Variants in CHAF1A observed in about 807,000 individuals in gnomAD.
CHAF1A encodes CAF-1 subunit A.
Under a neutral mutation model 93.2 loss-of-function variants are expected in CHAF1A, and 5 were observed. The ratio of observed to expected loss-of-function variants is 0.05; its 90% CI spans 0.03 to 0.11. CHAF1A has a LOEUF of 0.11. Among genes scored for constraint, CHAF1A ranks in the 10% least tolerant of loss-of-function variants. The probability of loss-of-function intolerance (pLI) is 1.00; values close to 1 mark genes in which losing one functional copy is unlikely to be tolerated. For synonymous variants in CHAF1A, 504 were observed against 510.3 expected (o/e 0.99, Z 0.17); for missense variants, 1,102 against 1,259.9 (o/e 0.87, Z 1.90).
chr19:4,419,888 A>G (rs1296043375), intron 4 of CHAF1A, among the ~76,000 whole-genome samples: 1 of 152,130 alleles, frequency 6.6e-6, no homozygotes, highest in African/African-American at 2.4e-5. Context: ...GAAGCCTTCT[A>G]TTTCCTGCTT....
At chr19:4,415,509 C>T (rs243357) in intron 3 of CHAF1A, among the ~76,000 whole-genome samples, 44,414 of 152,112 alleles carry the variant, frequency 0.29, 7,125 homozygotes, top group East Asian at 0.6. Flanking sequence ...AGGGCAGCCC[C>T]GGAGAGCTGC....
At chr19:4,410,557 T>G (rs187236229) in intron 3 of CHAF1A, among the ~76,000 whole-genome samples, 5 of 152,136 alleles carry the variant, frequency 3.3e-5, no homozygotes, top group Admixed American at 1.3e-4. Flanking sequence ...ATTTTTATAT[T>G]TTTAGTAGAG....
intron 8 of CHAF1A, chr19:4,429,099 T>G (rs1453894982): frequency 3.4e-6 from 2 of 596,336 alleles, no homozygotes; most frequent in East Asian, 2.8e-5. Context: ...TCTTCCCAGC[T>G]CCTCGTGGAG....
At chr19:4,406,411 C>T (rs1266967558) in intron 2 of CHAF1A, among the ~76,000 whole-genome samples, 1 of 151,864 alleles carries the variant, frequency 6.6e-6, no homozygotes, top group Non-Finnish European at 1.5e-5. Flanking sequence ...CACCCTTGGG[C>T]CAGATGAGCG....
intron 4 of CHAF1A, among the ~76,000 whole-genome samples, chr19:4,421,804 T>C (rs1973995121): frequency 6.6e-6 from 1 of 152,072 alleles, no homozygotes; most frequent in African/African-American, 2.4e-5. Context: ...CTGTGTAAAG[T>C]TGTTGACTGG....
chr19:4,440,710 GGCCGTGTGGTACATA>G (rs1199577880), intron 13 of CHAF1A, among the ~76,000 whole-genome samples: 1 of 151,868 alleles, frequency 6.6e-6, no homozygotes, highest in Non-Finnish European at 1.5e-5. Context: ...CACACGCCTG[GGCCGTGTGGTACATA>G]GCCCAGGGCT....
chr19:4,446,269 T>C, downstream of CHAF1A: 1 of 1,569,754 alleles, frequency 6.4e-7, no homozygotes, highest in African/African-American at 1.3e-5. Flanking sequence ...TCCACGGGCA[T>C]CGTTGGTGCC....
chr19:4,406,025 G>T, intron 2 of CHAF1A, 63 bp downstream of exon 2: 2 of 1,334,520 alleles, frequency 1.5e-6, no homozygotes, highest in South Asian at 1.2e-5. Context: ...GTCTCTTGTT[G>T]GAGACCTCAG....
chr19:4,411,618 T>C (rs563488397), intron 3 of CHAF1A, among the ~76,000 whole-genome samples: 17 of 146,162 alleles, frequency 1.2e-4, no homozygotes, highest in Non-Finnish European at 2.1e-4. Context: ...TTTAGGTTTA[T>C]GAAATGTTGT....
rs869255408 is a variant in CHAF1A, at chr19:4,435,087, CTT to C, written c.2673+1570_2673+1571del. Among the ~76,000 whole-genome samples, 609 of 87,782 alleles carry C rather than the reference CTT, an allele frequency of 6.9e-3. 2 individuals carry two copies. The highest frequency in any genetic ancestry group is 0.013 in the East Asian group (38 of 2,826). 57.6% of individuals were successfully genotyped at this position (87,782 alleles called of 152,430 possible). On this transcript the variant is annotated intron_variant, in intron 13 of 14. Coordinates refer to ENST00000301280, the MANE Select transcript of CHAF1A (RefSeq NM_005483.3). ...GAGTTTCTCTTTTTTCTTTTTTTTC[CTT>C]TTTTTTTTTTTTTTTTTTTTTGAGA...
At chr19:4,447,174 C>A (rs1974551333), downstream of CHAF1A, 2 of 590,408 alleles carry the variant, frequency 3.4e-6, no homozygotes, top group South Asian at 4.1e-5. Context: ...GAGCCAGACA[C>A]TGCTGGGGCC....
chr19:4,421,914 C>T (rs1973996823), intron 4 of CHAF1A, among the ~76,000 whole-genome samples: 1 of 152,098 alleles, frequency 6.6e-6, no homozygotes, highest in Admixed American at 6.5e-5. Context: ...GTGACCTCAG[C>T]TCACTGCACC....
At chr19:4,403,853 CTTTA>C (rs1222364762) in intron 1 of CHAF1A, among the ~76,000 whole-genome samples, 3 of 152,140 alleles carry the variant, frequency 2.0e-5, no homozygotes, top group Admixed American at 6.6e-5. Flanking sequence ...GGATGTTTAA[CTTTA>C]TTTATTTATT....
intron 2 of CHAF1A, among the ~76,000 whole-genome samples, chr19:4,406,405 C>T (rs188587087): frequency 2.0e-5 from 3 of 151,814 alleles, no homozygotes; most frequent in African/African-American, 7.3e-5. Context: ...TGTGTTCACC[C>T]TTGGGCCAGA....
chr19:4,445,313 C>A, downstream of CHAF1A: 1 of 1,003,486 alleles, frequency 1.0e-6, no homozygotes, highest in Non-Finnish European at 1.5e-6. Context: ...ATCCCCACAG[C>A]CCCCAAGGGA....
chr19:4,428,793 A>T lies in CHAF1A; in HGVS notation c.1507A>T (p.Ser503Cys), dbSNP rs930234567. The change falls in exon 8 of 15, where the codon AGC (serine) becomes TGC (cysteine). Residue 503 changes from serine (S) to cysteine (C), a missense_variant. Transcript: ENST00000301280. ...GCTGGACCAGCTCCTCCAGCAGCAG[A>T]GCGGCGAGTTCTCCTTCTTGAAAGA... is the stretch of plus-strand genomic sequence containing the variant. ...SQLDQLLQQQ[S>C]GEFSFLKDLK... The T allele has an allele frequency of 6.2e-7, 1 of 1,613,992 alleles. No individual in the cohort carries two copies. The highest frequency in any genetic ancestry group is 8.5e-7 in the Non-Finnish European group (1 of 1,180,040).
chr19:4,442,703 G>A (rs1381187387), intron 14 of CHAF1A, among the ~76,000 whole-genome samples: 1 of 152,230 alleles, frequency 6.6e-6, no homozygotes, highest in Non-Finnish European at 1.5e-5. Flanking sequence ...CGTGGGAGGA[G>A]TGTGCCCGGG....
intron 7 of CHAF1A, among the ~76,000 whole-genome samples, chr19:4,427,889 A>G (rs990621632): frequency 6.6e-6 from 1 of 151,948 alleles, no homozygotes; most frequent in Admixed American, 6.6e-5. Flanking sequence ...CGCCTGGCCT[A>G]ATTTTTGTAT....
chr19:4,447,773 C>A, downstream of CHAF1A: 1 of 758,762 alleles, frequency 1.3e-6, no homozygotes, highest in South Asian at 1.5e-5. Flanking sequence ...GGCAGCAGAC[C>A]ATCTCCGGGT....
Sources: allele counts gnomAD v4.1 joint callset (sites outside exome capture counted in the v4.1 genomes callset), GRCh38; gene constraint gnomAD v4.1.1; transcripts MANE v1.5; gene names NCBI Gene and HGNC (gene_info 2026-07-23, HGNC 2026-07-21).